NPHS2: variants seen among roughly 807,000 people sequenced by gnomAD.
The protein encoded by NPHS2 is podocin.
NPHS2 carries 36 observed loss-of-function variants against 37.1 expected under a neutral mutation model. That is an observed-to-expected ratio of 0.97 (90% CI 0.74 to 1.28). The LOEUF is 1.28. Among genes scored for constraint, NPHS2 ranks in the 50% most tolerant of loss-of-function variants. NPHS2 has a pLI of 0.00. For synonymous variants in NPHS2, 196 were observed against 189.3 expected (o/e 1.04, Z -0.29); for missense variants, 447 against 488.1 (o/e 0.92, Z 0.79).
intron 6 of NPHS2, among the ~76,000 whole-genome samples, chr1:179,553,746 TTTC>T (rs1673649734): frequency 6.6e-6 from 1 of 152,064 alleles, no homozygotes; most frequent in African/African-American, 2.4e-5. Flanking sequence ...AAATGTGACA[TTTC>T]TTTTTTTCTT....
At chr1:179,569,395 G>A (rs1166320347) in intron 1 of NPHS2, among the ~76,000 whole-genome samples, 1 of 151,962 alleles carries the variant, frequency 6.6e-6, no homozygotes, top group East Asian at 1.9e-4. Context: ...CATTTCCTTG[G>A]TAGATCTTTC....
Position 179,575,900 on chromosome 1 carries a change from G to A in NPHS2, c.-36C>T, listed in dbSNP as rs1674752964. The A allele has an allele frequency of 2.2e-6, 3 of 1,374,214 alleles. No individual in the cohort carries two copies. The highest frequency in any genetic ancestry group is 3.7e-5 in the South Asian group (2 of 54,044). 85.1% of individuals were successfully genotyped at this position (1,374,214 alleles called of 1,614,324 possible). A position where few individuals can be genotyped will look rare whatever the true frequency, so the allele number is the denominator to read the frequency against. ...GCCGGGCGGCTGGAGCAGCAGCGCG[G>A]GAGCGCTAGGGGCACGGGAGCGCAG... On this transcript the variant is annotated 5_prime_UTR_variant, in exon 1 of 8. Transcript: ENST00000367615.
At chr1:179,575,484 A>G (rs1453140805) in intron 1 of NPHS2, 107 bp downstream of exon 1, 15 of 1,480,052 alleles carry the variant, frequency 1.0e-5, no homozygotes, top group African/African-American at 4.1e-5. Flanking sequence ...GCATCCAGCA[A>G]TCTGCTCTGG....
intron 4 of NPHS2, among the ~76,000 whole-genome samples, chr1:179,559,431 G>A (rs1674051982): frequency 6.6e-6 from 1 of 152,136 alleles, no homozygotes; most frequent in Non-Finnish European, 1.5e-5. Flanking sequence ...TTGTTGAGAT[G>A]TATGAGTTCT....
chr1:179,557,178 CG>C lies in NPHS2; in HGVS notation c.586del (p.Arg196GlufsTer9). The C allele has an allele frequency of 6.2e-7, 1 of 1,613,966 alleles. No homozygotes were observed. Among genetic ancestry groups the C allele is most frequent in the Admixed American group, 1.7e-5 (1 of 60,002 alleles). On this transcript the variant is annotated frameshift_variant, in exon 5 of 8. Transcript: ENST00000367615. LOFTEE classifies it high-confidence loss of function. ...TAGGAGAAGAGAGGCATTTTCCATT[CG>C]GTAGTAGCAAATGGCATCTATCTCC... ...IMEIDAICYY[R>X]MENASLLLSS...
At chr1:179,564,646 A>C in intron 2 of NPHS2, 44 bp downstream of exon 2, 8 of 1,475,216 alleles carry the variant, frequency 5.4e-6, no homozygotes, top group Non-Finnish European at 7.6e-6. Context: ...GTGGCCAGTG[A>C]GAGGCCTCAG....
intron 1 of NPHS2, among the ~76,000 whole-genome samples, chr1:179,567,207 G>A (rs1311052258): frequency 6.6e-6 from 1 of 152,162 alleles, no homozygotes; most frequent in Non-Finnish European, 1.5e-5. Flanking sequence ...AGCATGGAAT[G>A]TTCTCCCATT....
At chr1:179,563,675 A>G (rs1392504156) in intron 2 of NPHS2, among the ~76,000 whole-genome samples, 1 of 152,266 alleles carries the variant, frequency 6.6e-6, no homozygotes, top group Non-Finnish European at 1.5e-5. Context: ...AATTTGAGAA[A>G]TTGACAAATA....
At position 179,575,752 on chromosome 1, in the gene NPHS2, C is replaced by T. The variant is rs762145203; in HGVS notation, c.113G>A (p.Arg38His). The T allele has an allele frequency of 3.3e-6, 5 of 1,495,716 alleles. No homozygotes were observed. The highest frequency in any genetic ancestry group is 5.3e-5 in the East Asian group (2 of 37,762). 92.7% of individuals were successfully genotyped at this position (1,495,716 alleles called of 1,614,324 possible). The change falls in exon 1 of 8, where the codon CGC (arginine) becomes CAC (histidine). Residue 38 changes from arginine (R) to histidine (H), a missense_variant. Arg to His is a conservative substitution (Grantham distance 29). Coordinates refer to ENST00000367615, the MANE Select transcript of NPHS2 (RefSeq NM_014625.4). ...KAERSGGGRG[R>H]QEAGPEPSGS... The stretch of plus-strand genomic sequence containing the variant: ...CGACGGCTCGGGCCCAGCCTCCTGG[C>T]GCCCGCGGCCTCCGCCGCTCCTCTC...
chr1:179,557,179 G>C lies in NPHS2; in HGVS notation c.586C>G (p.Arg196Gly), dbSNP rs12568913. The C allele has an allele frequency of 9.3e-6, 15 of 1,613,978 alleles. No individual in the cohort carries two copies. The highest frequency in any genetic ancestry group is 1.3e-5 in the Non-Finnish European group (15 of 1,179,958). ...AGGAGAAGAGAGGCATTTTCCATTCGGTAGTAGCAAATGGCATCTATCTCC... is the reference window on the plus strand; with the variant it reads ...AGGAGAAGAGAGGCATTTTCCATTCCGTAGTAGCAAATGGCATCTATCTCC... ...IMEIDAICYY[R>G]MENASLLLSS... is the part of the protein sequence containing the mutation. Residue 196 changes from arginine (R) to glycine (G), a missense_variant, in exon 5 of 8, where the codon CGA becomes GGA. Physicochemically the swap from Arg to Gly is moderately radical, Grantham distance 125. Transcript: ENST00000367615.
chr1:179,565,117 A>T (rs1674285712), intron 1 of NPHS2, among the ~76,000 whole-genome samples: 1 of 152,034 alleles, frequency 6.6e-6, no homozygotes, highest in Non-Finnish European at 1.5e-5. Context: ...CAAAAAAAAA[A>T]TTAAAAACTA....
intron 6 of NPHS2, among the ~76,000 whole-genome samples, chr1:179,553,463 A>G (rs1298803843): frequency 6.6e-6 from 1 of 152,220 alleles, no homozygotes; most frequent in Admixed American, 6.5e-5. Context: ...AGCATGGTTG[A>G]ACGTTGAAAA....
In NPHS2 at chr1:179,557,172, T is replaced by C; in HGVS notation, c.593A>G (p.Glu198Gly). 1 of 1,614,074 alleles carries C rather than the reference T, an allele frequency of 6.2e-7. No homozygotes were observed. Among genetic ancestry groups the C allele is most frequent in the Admixed American group, 1.7e-5 (1 of 60,016 alleles). ...EIDAICYYRM[E>G]NASLLLSSLA... ...ACTGCTTAGGAGAAGAGAGGCATTT[T>C]CCATTCGGTAGTAGCAAATGGCATC... is the stretch of plus-strand genomic sequence containing the variant. Residue 198 changes from glutamate to glycine, a missense_variant, in exon 5 of 8, where the codon GAA (glutamate) becomes GGA (glycine). Physicochemically the swap from Glu to Gly is moderately conservative, Grantham distance 98. Coordinates refer to ENST00000367615, the MANE Select transcript of NPHS2 (RefSeq NM_014625.4).
intron 4 of NPHS2, among the ~76,000 whole-genome samples, chr1:179,557,933 G>GTA (rs374031072): frequency 1.4e-4 from 21 of 151,816 alleles, no homozygotes; most frequent in South Asian, 2.1e-4. Context: ...ATATATGTGT[G>GTA]TATATATATA....
At chr1:179,560,816 A>G (rs1022622370) in intron 3 of NPHS2, among the ~76,000 whole-genome samples, 1 of 152,228 alleles carries the variant, frequency 6.6e-6, no homozygotes, top group South Asian at 2.1e-4. Context: ...TCTTATGGTT[A>G]GCACAGAGTC....
intron 1 of NPHS2, among the ~76,000 whole-genome samples, chr1:179,569,892 G>T (rs1042913081): frequency 6.6e-6 from 1 of 152,172 alleles, no homozygotes; most frequent in African/African-American, 2.4e-5. Flanking sequence ...CTAGCTTATA[G>T]GATTTCTGCC....
At chr1:179,558,928 G>A (rs560105340) in intron 4 of NPHS2, among the ~76,000 whole-genome samples, 44 of 152,148 alleles carry the variant, frequency 2.9e-4, no homozygotes, top group African/African-American at 6.3e-4. Context: ...GTTCAAGTTC[G>A]TATTAGGGTT....
At chr1:179,555,193 A>T (rs548216897) in intron 5 of NPHS2, among the ~76,000 whole-genome samples, 2 of 152,366 alleles carry the variant, frequency 1.3e-5, no homozygotes, top group South Asian at 4.1e-4. Flanking sequence ...GTTTTAAGCC[A>T]CCATGTTTGT....
At chr1:179,562,713 G>T (rs1464387261) in intron 2 of NPHS2, among the ~76,000 whole-genome samples, 1 of 152,166 alleles carries the variant, frequency 6.6e-6, no homozygotes, top group South Asian at 2.1e-4. Flanking sequence ...CCAGAACACT[G>T]CCTTGCTTGA....
Sources: gnomAD v4.1 joint callset for allele counts (sites outside exome capture counted in the v4.1 genomes callset) on GRCh38, gnomAD v4.1.1 for gene constraint, MANE v1.5 for transcripts, NCBI Gene and HGNC (gene_info 2026-07-23, HGNC 2026-07-21) for gene names.